The following SEMA6D variants were observed in gnomAD, a reference collection of about 807,000 sequenced individuals.
The protein encoded by SEMA6D is semaphorin-6D.
SEMA6D carries 35 observed loss-of-function variants against 106.6 expected under a neutral mutation model. The observed-to-expected ratio is 0.33, with a 90% CI of 0.25 to 0.44. SEMA6D has a LOEUF of 0.44. Among genes scored for constraint, SEMA6D ranks in the 20% least tolerant of loss-of-function variants. SEMA6D has a pLI of 1.00. For missense variants in SEMA6D, 1,185 were observed against 1,345.9 expected (o/e 0.88, Z 1.87); for synonymous variants, 499 against 487.7 (o/e 1.02, Z -0.31).
chr15:47,355,831 A>G lies in SEMA6D; in HGVS notation c.-238-56562A>G, dbSNP rs577191893. ...ACTAGAAGGGCATGTAAATTAGAAG[A>G]CCATGTTTTCCCAGTGCAAAGATTA... On this transcript the variant is annotated intron_variant, in intron 1 of 19. Transcript: ENST00000558014. 3.3e-5 allele frequency among the ~76,000 whole-genome samples: 5 copies of G among 152,322 alleles called. No homozygotes were observed. The South Asian group carries it at 1.0e-3, about 32-fold the overall frequency.
At chr15:47,463,440 T>C (rs1206266498) in intron 2 of SEMA6D, among the ~76,000 whole-genome samples, 1 of 152,182 alleles carries the variant, frequency 6.6e-6, no homozygotes, top group Admixed American at 6.6e-5. Context: ...TCTTAACACA[T>C]GCAGTACATT....
At chr15:47,371,562 T>C (rs1341073057) in intron 1 of SEMA6D, among the ~76,000 whole-genome samples, 2 of 152,198 alleles carry the variant, frequency 1.3e-5, no homozygotes, top group East Asian at 3.9e-4. Flanking sequence ...AGGAAGACAC[T>C]GTTCATGTGT....
chr15:47,562,798 T>A (rs1467311972), intron 3 of SEMA6D, among the ~76,000 whole-genome samples: 2 of 152,170 alleles, frequency 1.3e-5, no homozygotes, highest in African/African-American at 2.4e-5. Flanking sequence ...ATATAAAGTT[T>A]CCATAAAACC....
chr15:47,419,856 AGAG>A (rs1032323203), intron 2 of SEMA6D, among the ~76,000 whole-genome samples: 4 of 152,154 alleles, frequency 2.6e-5, no homozygotes, highest in African/African-American at 4.8e-5. Context: ...CATGAGGATT[AGAG>A]AAGAGGAGAT....
At chr15:47,416,180 C>T (rs531352063) in intron 2 of SEMA6D, among the ~76,000 whole-genome samples, 13 of 152,218 alleles carry the variant, frequency 8.5e-5, no homozygotes, top group African/African-American at 2.6e-4. Flanking sequence ...CTAATGATAA[C>T]GATATTCTTC....
intron 2 of SEMA6D, among the ~76,000 whole-genome samples, chr15:47,451,631 G>A (rs2042195967): frequency 6.6e-6 from 1 of 151,990 alleles, no homozygotes; most frequent in Non-Finnish European, 1.5e-5. Flanking sequence ...TTCCCTCCTG[G>A]TCTGAAAATT....
At chr15:47,703,423 T>C (rs935176056) in intron 4 of SEMA6D, among the ~76,000 whole-genome samples, 1 of 152,192 alleles carries the variant, frequency 6.6e-6, no homozygotes, top group African/African-American at 2.4e-5. Context: ...ATTTATGACA[T>C]AGGCTCTAAC....
intron 1 of SEMA6D, among the ~76,000 whole-genome samples, chr15:47,298,548 C>T (rs1173224824): frequency 6.6e-6 from 1 of 152,090 alleles, no homozygotes; most frequent in African/African-American, 2.4e-5. Flanking sequence ...TCACCCCAAG[C>T]CTTTCATAGA....
chr15:47,448,939 C>T (rs2042105977), intron 2 of SEMA6D, among the ~76,000 whole-genome samples: 1 of 152,042 alleles, frequency 6.6e-6, no homozygotes, highest in African/African-American at 2.4e-5. Context: ...CTTGTTCTAG[C>T]AAACAAATGT....
chr15:47,407,241 T>C (rs2146115723), intron 1 of SEMA6D, among the ~76,000 whole-genome samples: 1 of 151,642 alleles, frequency 6.6e-6, no homozygotes, highest in Non-Finnish European at 1.5e-5. Context: ...TGGTGGCAGA[T>C]GCCTGTAATC....
Position 47,386,607 on chromosome 15 carries a change from A to G in SEMA6D, c.-238-25786A>G, listed in dbSNP as rs371252260. Among the ~76,000 whole-genome samples, 3 of 152,298 alleles carry G rather than the reference A, an allele frequency of 2.0e-5. No homozygotes were observed. The South Asian group carries it at 6.2e-4, about 32-fold the overall frequency. On this transcript the variant is annotated intron_variant, in intron 1 of 19. Transcript: ENST00000558014. ...CCAAGGTTGGCTGTTAGCAGAATCC[A>G]TATCTCCTAGGCATGGACCTGTCTT...
intron 2 of SEMA6D, among the ~76,000 whole-genome samples, chr15:47,460,864 C>T (rs1201894638): frequency 4.6e-5 from 7 of 151,968 alleles, no homozygotes; most frequent in East Asian, 1.9e-4. Context: ...TTTAATGACC[C>T]GGAAATTAAC....
Position 47,381,450 on chromosome 15 carries a change from A to C in SEMA6D, c.-238-30943A>C, listed in dbSNP as rs572781528. Among the ~76,000 whole-genome samples, 204 of 152,298 alleles carry C rather than the reference A, an allele frequency of 1.3e-3. 2 individuals carry two copies. The highest frequency in any genetic ancestry group is 4.8e-3 in the African/African-American group (201 of 41,558). The stretch of plus-strand genomic sequence containing the variant: ...GTCTCTGGAGTGACGCCTATAGCAT[A>C]GTTCCTGAAACCAACCTCATTCATG... On this transcript the variant is annotated intron_variant, in intron 1 of 19. Transcript: ENST00000558014.
intron 1 of SEMA6D, among the ~76,000 whole-genome samples, chr15:47,252,831 T>C (rs1189098934): frequency 6.6e-6 from 1 of 152,226 alleles, no homozygotes; most frequent in East Asian, 1.9e-4. Context: ...CTCTTGGTGT[T>C]GTGAAAAGTG....
intron 1 of SEMA6D, among the ~76,000 whole-genome samples, chr15:47,386,181 C>G (rs1311471369): frequency 6.6e-6 from 1 of 151,924 alleles, no homozygotes; most frequent in Non-Finnish European, 1.5e-5. Context: ...AATATCTACA[C>G]AGATAACCAT....
intron 1 of SEMA6D, among the ~76,000 whole-genome samples, chr15:47,343,761 G>A (rs995928939): frequency 6.6e-6 from 1 of 151,896 alleles, no homozygotes; most frequent in East Asian, 1.9e-4. Flanking sequence ...TAATCCTTTG[G>A]GTATATACCC....
chr15:47,196,289 C>G (rs139389613), intron 1 of SEMA6D, among the ~76,000 whole-genome samples: 1 of 152,198 alleles, frequency 6.6e-6, no homozygotes, highest in East Asian at 1.9e-4. Flanking sequence ...ATGGCTCTGC[C>G]CGTTCACTGC....
intron 1 of SEMA6D, among the ~76,000 whole-genome samples, chr15:47,286,013 C>T (rs569186436): frequency 3.3e-5 from 5 of 152,158 alleles, no homozygotes; most frequent in Admixed American, 1.3e-4. Context: ...TAGGCTTATG[C>T]GCCAGCTTAA....
rs569471313 is a variant in SEMA6D, at chr15:47,515,189, C to G, written c.-87+44644C>G. 1.8e-4 allele frequency among the ~76,000 whole-genome samples: 28 copies of G among 152,278 alleles called. No individual in the cohort carries two copies. The South Asian group carries it at 5.4e-3, about 29-fold the overall frequency. On this transcript the variant is annotated intron_variant, in intron 3 of 19. Coordinates refer to the SEMA6D transcript ENST00000558014. ...ATATCACTAACTCCCTCACCTCCTT[C>G]AAGCCTTTGTTCAAATATCACCTTC...
Sources: gnomAD v4.1 joint callset for allele counts (sites outside exome capture counted in the v4.1 genomes callset) on GRCh38, gnomAD v4.1.1 for gene constraint, MANE v1.5 for transcripts, NCBI Gene and HGNC (gene_info 2026-07-23, HGNC 2026-07-21) for gene names.